Variants in PALM2AKAP2 observed in about 807,000 individuals in gnomAD.
PALM2AKAP2 encodes PALM2 and AKAP2 fusion.
A neutral mutation model predicts 71.5 loss-of-function variants in PALM2AKAP2; 37 were observed. The ratio of observed to expected loss-of-function variants is 0.52; its 90% CI spans 0.40 to 0.68. The LOEUF (loss-of-function observed/expected upper bound fraction) is 0.68, where lower values mean the gene tolerates loss of function less well. PALM2AKAP2 is among the 30% of genes least tolerant of loss of function. PALM2AKAP2 has a pLI of 0.00. For missense variants in PALM2AKAP2, 1,224 were observed against 1,191.8 expected, an observed-to-expected ratio of 1.03 and a Z score of -0.40; for synonymous variants, 468 against 478.8, an observed-to-expected ratio of 0.98 and a Z score of 0.29.
intron 1 of PALM2AKAP2, among the ~76,000 whole-genome samples, chr9:109,761,888 C>T (rs565198579): frequency 2.0e-5 from 3 of 151,994 alleles, no homozygotes; most frequent in Admixed American, 2.0e-4. Context: ...GGTATATACC[C>T]AGTAATGAGA....
chr9:110,061,882 A>G (rs1182256111), intron 1 of PALM2AKAP2, among the ~76,000 whole-genome samples: 1 of 109,246 alleles, frequency 9.2e-6, no homozygotes, highest in African/African-American at 3.4e-5. Flanking sequence ...AACAGACACA[A>G]GGGTTTAGGG....
At chr9:110,020,556 GCCTGTAATC>G (rs1263111906) in intron 7 of PALM2AKAP2, among the ~76,000 whole-genome samples, 1 of 151,992 alleles carries the variant, frequency 6.6e-6, no homozygotes, top group East Asian at 1.9e-4. Context: ...GGTGATGCAT[GCCTGTAATC>G]CCAGTTACTT....
Position 109,699,937 on chromosome 9 carries a change from G to A in PALM2AKAP2, c.5+59071G>A, listed in dbSNP as rs1587872912. Among the ~76,000 whole-genome samples, 4 of 152,026 alleles carry A rather than the reference G, an allele frequency of 2.6e-5. No individual in the cohort carries two copies. The South Asian group carries it at 8.3e-4, about 32-fold the overall frequency. ...ACTACAGGCATGTGCCGCCACACCC[G>A]GCTAATTTTTGTATTTTTAGTAGAG... On this transcript the variant is annotated intron_variant, in intron 1 of 6. Coordinates refer to the PALM2AKAP2 transcript ENST00000374531.
chr9:109,857,508 A>C (rs537348557), intron 1 of PALM2AKAP2, among the ~76,000 whole-genome samples: 3 of 152,294 alleles, frequency 2.0e-5, no homozygotes, highest in African/African-American at 7.2e-5. Context: ...TTTGACATCA[A>C]GATGTTTTGC....
chr9:109,914,413 C>G (rs1830639885), intron 3 of PALM2AKAP2, among the ~76,000 whole-genome samples: 1 of 152,204 alleles, frequency 6.6e-6, no homozygotes, highest in African/African-American at 2.4e-5. Flanking sequence ...GGCCATATGC[C>G]CAGCTCAGCC....
chr9:110,036,481 ACCATTC>A (rs1201132213), intron 7 of PALM2AKAP2, among the ~76,000 whole-genome samples: 1 of 152,062 alleles, frequency 6.6e-6, no homozygotes, highest in African/African-American at 2.4e-5. Context: ...CTCCACCATT[ACCATTC>A]TGCTTTCAGC....
chr9:110,143,075 C>T (rs1263945096), intron 2 of PALM2AKAP2, among the ~76,000 whole-genome samples: 1 of 147,020 alleles, frequency 6.8e-6, no homozygotes, highest in Non-Finnish European at 1.5e-5. Flanking sequence ...GGGCCATGCT[C>T]CCAATAGTGT....
chr9:109,961,838 T>A (rs566929063), intron 6 of PALM2AKAP2, among the ~76,000 whole-genome samples: 1 of 152,336 alleles, frequency 6.6e-6, no homozygotes, highest in African/African-American at 2.4e-5. Context: ...TTCTTCACCA[T>A]TTTTGATCAG....
chr9:109,665,131 T>G (rs1277868134), intron 1 of PALM2AKAP2, among the ~76,000 whole-genome samples: 1 of 152,194 alleles, frequency 6.6e-6, no homozygotes, highest in East Asian at 1.9e-4. Context: ...GGTTCGAACC[T>G]CCTCCTTTAG....
chr9:110,015,866 C>T (rs1832971683), intron 6 of PALM2AKAP2, 88 bp from the exon 7 acceptor site: 2 of 1,212,556 alleles, frequency 1.6e-6, no homozygotes, highest in Non-Finnish European at 2.4e-6. Flanking sequence ...TTACAAGTCA[C>T]ATGGGATTGT....
chr9:109,916,359 A>C (rs985289528), intron 3 of PALM2AKAP2, among the ~76,000 whole-genome samples: 18 of 152,220 alleles, frequency 1.2e-4, no homozygotes, highest in Non-Finnish European at 1.2e-4. Flanking sequence ...CTCTCAGCAG[A>C]GCCTTGAAGG....
chr9:109,837,025 A>T (rs1277853972), intron 1 of PALM2AKAP2, among the ~76,000 whole-genome samples: 1 of 152,216 alleles, frequency 6.6e-6, no homozygotes, highest in Non-Finnish European at 1.5e-5. Context: ...GGAAATACAG[A>T]GAACGCCACA....
chr9:109,930,004 G>T (rs1487029201), intron 5 of PALM2AKAP2, among the ~76,000 whole-genome samples: 1 of 151,906 alleles, frequency 6.6e-6, no homozygotes, highest in Admixed American at 6.6e-5. Flanking sequence ...GTCCCTGCAG[G>T]CTGCTTTCCA....
chr9:109,769,154 T>A (rs772814350), intron 1 of PALM2AKAP2, among the ~76,000 whole-genome samples: 11 of 152,184 alleles, frequency 7.2e-5, no homozygotes, highest in Non-Finnish European at 1.5e-4. Flanking sequence ...TAAGAACCCA[T>A]AAAAATACTA....
chr9:110,121,755 C>A (rs913931833), intron 1 of PALM2AKAP2, among the ~76,000 whole-genome samples: 1 of 152,288 alleles, frequency 6.6e-6, no homozygotes, highest in East Asian at 1.9e-4. Context: ...CTACAAGCTG[C>A]GCCTCCTTCT....
At chr9:110,156,201 T>C (rs1836450737) in intron 2 of PALM2AKAP2, 118 bp from the exon 9 acceptor site, 5 of 1,374,182 alleles carry the variant, frequency 3.6e-6, no homozygotes, top group Admixed American at 2.6e-5. Flanking sequence ...CACTTAACCA[T>C]CATTCTGGTA....
chr9:110,105,744 T>C (rs1835105052), intron 1 of PALM2AKAP2, among the ~76,000 whole-genome samples: 1 of 152,102 alleles, frequency 6.6e-6, no homozygotes, highest in Non-Finnish European at 1.5e-5. Flanking sequence ...TTAATGTGAG[T>C]GGACATAAAA....
chr9:110,039,054 G>T (rs1490286889), intron 7 of PALM2AKAP2, among the ~76,000 whole-genome samples: 1 of 151,946 alleles, frequency 6.6e-6, no homozygotes, highest in Non-Finnish European at 1.5e-5. Flanking sequence ...TTCAAGACCA[G>T]CCTGTGCAAC....
At chr9:109,673,843 A>G (rs994945938) in intron 1 of PALM2AKAP2, among the ~76,000 whole-genome samples, 4 of 152,106 alleles carry the variant, frequency 2.6e-5, no homozygotes. Flanking sequence ...ACCCTTTACC[A>G]TTATGTAATG....
Sources: gnomAD v4.1 joint callset for allele counts (sites outside exome capture counted in the v4.1 genomes callset) on GRCh38, gnomAD v4.1.1 for gene constraint, MANE v1.5 for transcripts, NCBI Gene and HGNC (gene_info 2026-07-23, HGNC 2026-07-21) for gene names.